The following APLF variants were observed in gnomAD, a reference collection of about 807,000 sequenced individuals.
APLF encodes aprataxin and PNKP like factor.
A neutral mutation model predicts 55.6 loss-of-function variants in APLF; 61 were observed. That is an observed-to-expected ratio of 1.10 (90% CI 0.89 to 1.36). The LOEUF is 1.36. Among genes scored for constraint, APLF ranks in the 40% most tolerant of loss-of-function variants. The pLI, the probability that APLF is intolerant of heterozygous loss-of-function variation, is 0.00. For missense variants in APLF, 611 were observed against 602.5 expected (o/e 1.01, Z -0.15); for synonymous variants, 207 against 214.8 (o/e 0.96, Z 0.32).
chr2:68,548,206 CAA>C (rs939300968), intron 8 of APLF, among the ~76,000 whole-genome samples: 3 of 151,610 alleles, frequency 2.0e-5, no homozygotes, highest in Admixed American at 2.0e-4. Flanking sequence ...TTTTCTAAAA[CAA>C]GAAACAAAAA....
chr2:68,578,639 T>A lies in APLF; in HGVS notation c.*617T>A. 2 of 985,364 alleles carry A rather than the reference T, an allele frequency of 2.0e-6. No individual in the cohort carries two copies. Among genetic ancestry groups the A allele is most frequent in the Non-Finnish European group, 2.4e-6 (2 of 829,880 alleles). The allele number at this position is 985,364 out of a possible 1,614,324, so 61.0% of individuals were successfully genotyped here. ...GAAATGTTCACCATGTAGGGAATGT[T>A]ATTTTGTGTTCCACATCTGCAATTT... On this transcript the variant is annotated 3_prime_UTR_variant, in exon 10 of 10. Transcript: ENST00000303795.
chr2:68,540,904 A>G (rs2104010466), intron 7 of APLF, among the ~76,000 whole-genome samples: 1 of 152,264 alleles, frequency 6.6e-6, no homozygotes, highest in East Asian at 1.9e-4. Context: ...ACCAGATAGA[A>G]AGCCTTATTA....
chr2:68,497,760 C>T (rs958793474), intron 2 of APLF, among the ~76,000 whole-genome samples: 3 of 152,158 alleles, frequency 2.0e-5, no homozygotes, highest in African/African-American at 7.2e-5. Context: ...CCAGGCCCCA[C>T]TTCCAGCATT....
intron 8 of APLF, among the ~76,000 whole-genome samples, chr2:68,554,638 G>GT (rs773690422): frequency 0.024 from 3,270 of 138,948 alleles, 79 homozygotes; most frequent in African/African-American, 0.066. Context: ...ATATTCCTAA[G>GT]TTTTTTTTTT....
chr2:68,493,780 A>G (rs930830369), intron 2 of APLF, among the ~76,000 whole-genome samples: 1 of 152,198 alleles, frequency 6.6e-6, no homozygotes, highest in Non-Finnish European at 1.5e-5. Context: ...CCTGGCCAAC[A>G]TGGTGAAACC....
At chr2:68,497,996 T>A (rs954169290) in intron 2 of APLF, among the ~76,000 whole-genome samples, 1 of 146,698 alleles carries the variant, frequency 6.8e-6, no homozygotes, top group Middle Eastern at 3.4e-3. Flanking sequence ...TGAAATAGAT[T>A]GATGTATTTA....
In APLF at chr2:68,533,128, G is replaced by A. The variant is rs190842172; in HGVS notation, c.805-4744G>A. ...CTCTTTCACTCTTCTGCCATATAAGGGCACAGCATTCATCCTTTCATGCCC... is the reference window on the plus strand; with the variant it reads ...CTCTTTCACTCTTCTGCCATATAAGAGCACAGCATTCATCCTTTCATGCCC... On this transcript the variant is annotated intron_variant, in intron 6 of 9. Coordinates refer to ENST00000303795, the MANE Select transcript of APLF (RefSeq NM_173545.3). 2.0e-5 allele frequency among the ~76,000 whole-genome samples: 3 copies of A among 152,158 alleles called. No individual in the cohort carries two copies. In the East Asian group the frequency reaches 5.8e-4, roughly 29 times the overall value.
At chr2:68,494,039 C>T (rs774443669) in intron 2 of APLF, among the ~76,000 whole-genome samples, 2 of 150,126 alleles carry the variant, frequency 1.3e-5, no homozygotes, top group Non-Finnish European at 3.0e-5. Flanking sequence ...ACCCAGGAGG[C>T]GGAGCTTGCA....
chr2:68,483,166 C>T (rs78227608), intron 1 of APLF, among the ~76,000 whole-genome samples: 1 of 152,258 alleles, frequency 6.6e-6, no homozygotes, highest in East Asian at 1.9e-4. Flanking sequence ...TATGCTGTAG[C>T]AGCTTAGGTC....
chr2:68,555,723 G>T (rs1670990709), intron 8 of APLF, among the ~76,000 whole-genome samples: 1 of 152,138 alleles, frequency 6.6e-6, no homozygotes. Flanking sequence ...TGTGGATGTG[G>T]TGAACAGGGA....
chr2:68,572,194 A>G (rs974980637), intron 9 of APLF, among the ~76,000 whole-genome samples: 2 of 152,138 alleles, frequency 1.3e-5, no homozygotes, highest in Non-Finnish European at 2.9e-5. Flanking sequence ...GCCTGATGCA[A>G]TGGAATTATA....
intron 8 of APLF, among the ~76,000 whole-genome samples, chr2:68,549,876 G>A (rs1389547158): frequency 6.6e-6 from 1 of 152,116 alleles, no homozygotes; most frequent in Non-Finnish European, 1.5e-5. Context: ...ACTCAGAGCT[G>A]TATCTTTCTT....
intron 5 of APLF, among the ~76,000 whole-genome samples, chr2:68,516,950 AATATAAT>A (rs1329288430): frequency 1.6e-5 from 2 of 126,566 alleles, no homozygotes; most frequent in African/African-American, 3.0e-5. Flanking sequence ...TAATATATAT[AATATAAT>A]ATATAATAAT....
At chr2:68,503,022 ATGTG>A in intron 3 of APLF, 119 bp downstream of exon 3, 1 of 1,068,518 alleles carries the variant, frequency 9.4e-7, no homozygotes, top group Non-Finnish European at 1.4e-6. Context: ...TAGGTGTGTA[ATGTG>A]TGTGTACGCA....
At position 68,485,955 on chromosome 2, in the gene APLF, A is replaced by G. The variant is rs141074555; in HGVS notation, c.97-4235A>G. Among the ~76,000 whole-genome samples the G allele has an allele frequency of 1.7e-3, 263 of 152,014 alleles. 3 individuals are homozygous for G. Among genetic ancestry groups the G allele is most frequent in the African/African-American group, 6.1e-3 (252 of 41,428 alleles). On this transcript the variant is annotated intron_variant, in intron 1 of 9. Coordinates refer to ENST00000303795, the MANE Select transcript of APLF (RefSeq NM_173545.3). ...CTCCCAAGTATTAATATTTGGGACT[A>G]TAGGCACATGCCACCCTGTCCAACT...
At chr2:68,489,936 A>G (rs1444105250) in intron 1 of APLF, among the ~76,000 whole-genome samples, 2 of 152,110 alleles carry the variant, frequency 1.3e-5, no homozygotes, top group African/African-American at 2.4e-5. Flanking sequence ...CTATCATGCA[A>G]GGTTTTGGGA....
chr2:68,575,358 A>G (rs1296279320), intron 9 of APLF, among the ~76,000 whole-genome samples: 2 of 152,202 alleles, frequency 1.3e-5, no homozygotes, highest in Non-Finnish European at 2.9e-5. Context: ...ACAGAATGGC[A>G]TAGGATGAGA....
In APLF at chr2:68,502,910, G is replaced by A; in HGVS notation, c.341+7G>A. 6.3e-7 allele frequency: 1 copy of A among 1,594,962 alleles called. No individual in the cohort carries two copies. Among genetic ancestry groups the A allele is most frequent in the Non-Finnish European group, 8.5e-7 (1 of 1,173,498 alleles). On this transcript the variant is annotated splice_region_variant and intron_variant, in intron 3 of 9. Transcript: ENST00000303795. ...AAATGCAATGTACCTTAAGGTAAGT[G>A]CCTGATGAAATGAGAGTAAGAATGT...
chr2:68,536,334 T>C (rs1670385040), intron 6 of APLF, among the ~76,000 whole-genome samples: 1 of 152,210 alleles, frequency 6.6e-6, no homozygotes. Flanking sequence ...TTGGGTAGCA[T>C]TTTAATGTAC....
Sources: gnomAD v4.1 joint callset for allele counts (sites outside exome capture counted in the v4.1 genomes callset) on GRCh38, gnomAD v4.1.1 for gene constraint, MANE v1.5 for transcripts, NCBI Gene and HGNC (gene_info 2026-07-23, HGNC 2026-07-21) for gene names.